Variants in G3BP2 observed in about 807,000 individuals in gnomAD.
The protein encoded by G3BP2 is ras GTPase-activating protein-binding protein 2.
G3BP2 carries 11 observed loss-of-function variants against 56.7 expected under a neutral mutation model. The ratio of observed to expected loss-of-function variants is 0.19; its 90% CI spans 0.12 to 0.32. The LOEUF (loss-of-function observed/expected upper bound fraction) is 0.32. G3BP2 is among the 10% of genes least tolerant of loss of function. G3BP2 has a pLI of 1.00. For synonymous variants in G3BP2, 165 were observed against 191.6 expected (o/e 0.86, Z 1.15); for missense variants, 340 against 610.9 (o/e 0.56, Z 4.67).
intron 3 of G3BP2, among the ~76,000 whole-genome samples, chr4:75,681,892 C>T (rs1004968756): frequency 6.6e-6 from 1 of 151,448 alleles, no homozygotes; most frequent in Non-Finnish European, 1.5e-5. Flanking sequence ...GCCAGCATCA[C>T]TACTCTTATA....
At chr4:75,658,408 G>A (rs1423549847) in intron 3 of G3BP2, among the ~76,000 whole-genome samples, 1 of 150,308 alleles carries the variant, frequency 6.7e-6, no homozygotes, top group Non-Finnish European at 1.5e-5. Context: ...ATAAATTTCA[G>A]TTACCAATAA....
At chr4:75,717,298 G>C (rs1719965889) in intron 3 of G3BP2, among the ~76,000 whole-genome samples, 1 of 152,092 alleles carries the variant, frequency 6.6e-6, no homozygotes, top group Non-Finnish European at 1.5e-5. Flanking sequence ...AAATTAGCTG[G>C]GTGTGGTAGT....
intron 10 of G3BP2, 29 bp downstream of exon 10, chr4:75,647,000 A>G: frequency 6.9e-7 from 1 of 1,441,636 alleles, no homozygotes; most frequent in Non-Finnish European, 9.5e-7. Context: ...AATAATTTAA[A>G]AACTCCAACA....
At chr4:75,669,173 T>C (rs780405299) in intron 1 of G3BP2, among the ~76,000 whole-genome samples, 2 of 152,232 alleles carry the variant, frequency 1.3e-5, no homozygotes, top group Non-Finnish European at 2.9e-5. Flanking sequence ...TCTGGTCTCA[T>C]GTCTACCTAA....
In G3BP2 at chr4:75,667,115, C is replaced by T. The variant is rs139735020; in HGVS notation, c.-24-5066G>A. 9.2e-4 allele frequency among the ~76,000 whole-genome samples: 140 copies of T among 152,062 alleles called. 2 individuals are homozygous for T. The highest frequency in any genetic ancestry group is 3.2e-3 in the African/African-American group (131 of 41,472). On this transcript the variant is annotated intron_variant, in intron 1 of 11. Transcript: ENST00000359707. ...CAGCCCAGGCAACATGGCAAAACCC[C>T]GTCTCTACTAAAAAATACAAAAAAT... is the stretch of plus-strand genomic sequence containing the variant.
At chr4:75,702,171 A>ATTTTTTTTTTTTTT (rs57529973) in intron 3 of G3BP2, among the ~76,000 whole-genome samples, 1 of 107,480 alleles carries the variant, frequency 9.3e-6, no homozygotes. Context: ...AAACCCCCCA[A>ATTTTTTTTTTTTTT]TTTTTTTTTT....
intron 3 of G3BP2, among the ~76,000 whole-genome samples, chr4:75,720,859 G>C (rs1008618805): frequency 6.8e-6 from 1 of 147,878 alleles, no homozygotes; most frequent in Non-Finnish European, 1.5e-5. Flanking sequence ...TTTGAAGCCT[G>C]GGGCAGTTGG....
At chr4:75,695,287 C>T (rs985243927) in intron 3 of G3BP2, among the ~76,000 whole-genome samples, 8 of 152,156 alleles carry the variant, frequency 5.3e-5, no homozygotes, top group African/African-American at 1.2e-4. Context: ...GCCTGATTTG[C>T]GGCAATCAGA....
At chr4:75,695,405 G>C (rs1050268927) in intron 3 of G3BP2, among the ~76,000 whole-genome samples, 2 of 152,210 alleles carry the variant, frequency 1.3e-5, no homozygotes, top group Non-Finnish European at 2.9e-5. Flanking sequence ...GGTGTCTAGG[G>C]TCTGAGGGTC....
chr4:75,697,255 C>G lies in G3BP2; in HGVS notation c.-25+23622G>C, dbSNP rs74589201. Reference sequence around the variant, plus strand: ...TGCCACTACACTCCAGCCTGGCTGACAGAGCGAGACTCTGTCTCAAAAAAA... The same window carrying G: ...TGCCACTACACTCCAGCCTGGCTGAGAGAGCGAGACTCTGTCTCAAAAAAA... On this transcript the variant is annotated intron_variant, in intron 3 of 3. Coordinates refer to the G3BP2 transcript ENST00000499709. 1.4e-3 allele frequency among the ~76,000 whole-genome samples: 152 copies of G among 106,866 alleles called. 1 individual carries two copies. In the East Asian group the frequency reaches 0.037, roughly 26 times the overall value. The allele number at this position is 106,866 out of a possible 152,430, so 70.1% of individuals were successfully genotyped here. A position where few individuals can be genotyped will look rare whatever the true frequency, so the allele number is the denominator to read the frequency against.
intron 3 of G3BP2, among the ~76,000 whole-genome samples, chr4:75,699,911 TA>T (rs1400796911): frequency 6.7e-6 from 1 of 150,280 alleles, no homozygotes. Context: ...CAAATACAAA[TA>T]CTGTTAGCAC....
At chr4:75,679,469 T>C (rs1166066582) in intron 3 of G3BP2, among the ~76,000 whole-genome samples, 1 of 152,180 alleles carries the variant, frequency 6.6e-6, no homozygotes, top group African/African-American at 2.4e-5. Context: ...TCATTGTGAG[T>C]GTGTAAAATA....
At chr4:75,719,556 T>G (rs1177004474) in intron 3 of G3BP2, among the ~76,000 whole-genome samples, 1 of 152,050 alleles carries the variant, frequency 6.6e-6, no homozygotes. Context: ...CTCTATAGCA[T>G]GTGAGACACC....
At chr4:75,719,745 A>C (rs1720079951) in intron 3 of G3BP2, among the ~76,000 whole-genome samples, 1 of 151,872 alleles carries the variant, frequency 6.6e-6, no homozygotes, top group South Asian at 2.1e-4. Flanking sequence ...ATGCACCACC[A>C]CGCTCGGCTA....
chr4:75,693,994 G>C (rs1718990838), intron 3 of G3BP2, among the ~76,000 whole-genome samples: 2 of 151,894 alleles, frequency 1.3e-5, no homozygotes, highest in African/African-American at 4.8e-5. Flanking sequence ...TCCTGCCTCA[G>C]TCTCCCAAAA....
intron 8 of G3BP2, among the ~76,000 whole-genome samples, chr4:75,652,168 TA>T (rs1344632227): frequency 1.3e-5 from 2 of 152,222 alleles, no homozygotes; most frequent in African/African-American, 4.8e-5. Flanking sequence ...TTCCTACAAC[TA>T]ACTTTGAAAA....
At chr4:75,720,357 C>A (rs1577909731) in intron 3 of G3BP2, among the ~76,000 whole-genome samples, 1 of 151,774 alleles carries the variant, frequency 6.6e-6, no homozygotes, top group East Asian at 1.9e-4. Flanking sequence ...AAAAAATTAG[C>A]CGGGCGCGGT....
chr4:75,679,980 C>T (rs911585111), intron 3 of G3BP2, among the ~76,000 whole-genome samples: 1 of 152,234 alleles, frequency 6.6e-6, no homozygotes, highest in Admixed American at 6.5e-5. Flanking sequence ...CAGTGTTTAT[C>T]TCACACTGTC....
chr4:75,709,433 A>AAAC (rs1210788676), intron 3 of G3BP2, among the ~76,000 whole-genome samples: 1 of 150,708 alleles, frequency 6.6e-6, no homozygotes, highest in Non-Finnish European at 1.5e-5. Flanking sequence ...AAAAAAAAAA[A>AAAC]AAAAAAAAAC....
Sources: allele counts gnomAD v4.1 joint callset (sites outside exome capture counted in the v4.1 genomes callset), GRCh38; gene constraint gnomAD v4.1.1; transcripts MANE v1.5; gene names NCBI Gene and HGNC (gene_info 2026-07-23, HGNC 2026-07-21).